LINGO2: variants seen among roughly 807,000 people sequenced by gnomAD.
LINGO2 encodes leucine rich repeat and Ig domain containing 2.
In LINGO2, 14 loss-of-function variants were observed where a neutral mutation model predicts 30.6. The ratio of observed to expected loss-of-function variants is 0.46; its 90% CI spans 0.30 to 0.72. The LOEUF (loss-of-function observed/expected upper bound fraction) is 0.72. Among genes scored for constraint, LINGO2 ranks in the 30% least tolerant of loss-of-function variants. The pLI, the probability that LINGO2 is intolerant of heterozygous loss-of-function variation, is 0.07. For missense variants in LINGO2, 729 were observed against 751.7 expected, an observed-to-expected ratio of 0.97 and a Z score of 0.35; for synonymous variants, 317 against 288.5, an observed-to-expected ratio of 1.10 and a Z score of -1.00.
intron 4 of LINGO2, among the ~76,000 whole-genome samples, chr9:28,014,406 C>T (rs1822717195): frequency 6.6e-6 from 1 of 152,072 alleles, no homozygotes; most frequent in African/African-American, 2.4e-5. Flanking sequence ...GATTAGAAAA[C>T]AGAAGAATAA....
At chr9:28,506,210 C>T (rs1820104016) in intron 1 of LINGO2, among the ~76,000 whole-genome samples, 1 of 151,292 alleles carries the variant, frequency 6.6e-6, no homozygotes, top group Admixed American at 6.6e-5. Flanking sequence ...TTCTGTTCCA[C>T]ACTTAAATAA....
At chr9:28,953,951 G>T in the LINGO2 span, among the ~76,000 whole-genome samples, 24,999 of 151,980 alleles carry the variant, frequency 0.16, 2,087 homozygotes, top group South Asian at 0.2. Context: ...CACTAAATTA[G>T]GCATAATCAA....
chr9:27,963,635 T>G (rs916812978), intron 5 of LINGO2, among the ~76,000 whole-genome samples: 7 of 151,892 alleles, frequency 4.6e-5, no homozygotes, highest in African/African-American at 1.7e-4. Context: ...CAGAAATCTC[T>G]GTAAACCTTC....
chr9:28,927,773 C>A, the LINGO2 span, among the ~76,000 whole-genome samples: 1 of 152,156 alleles, frequency 6.6e-6, no homozygotes, highest in African/African-American at 2.4e-5. Flanking sequence ...TATGTTAATT[C>A]ATTTCTTTTT....
chr9:28,449,233 A>G (rs957714770), intron 2 of LINGO2, among the ~76,000 whole-genome samples: 15 of 152,008 alleles, frequency 9.9e-5, no homozygotes, highest in African/African-American at 3.6e-4. Flanking sequence ...CTGTATTCCA[A>G]AGTTTACTTA....
intron 4 of LINGO2, among the ~76,000 whole-genome samples, chr9:28,217,678 T>C (rs1272846866): frequency 6.6e-6 from 1 of 152,036 alleles, no homozygotes; most frequent in African/African-American, 2.4e-5. Context: ...AAAATAGCCT[T>C]CACATTCTGA....
the LINGO2 span, among the ~76,000 whole-genome samples, chr9:28,775,942 T>C: frequency 2.0e-5 from 3 of 152,188 alleles, no homozygotes. Context: ...TGCTTCAAAA[T>C]CCAGAAGGAC....
intron 4 of LINGO2, among the ~76,000 whole-genome samples, chr9:28,018,642 T>A (rs570260440): frequency 2.0e-4 from 31 of 151,968 alleles, no homozygotes; most frequent in Non-Finnish European, 4.1e-4. Flanking sequence ...CCACAATGAG[T>A]TACCATCTCA....
chr9:27,990,127 G>C (rs939086346), intron 5 of LINGO2, among the ~76,000 whole-genome samples: 3 of 151,910 alleles, frequency 2.0e-5, no homozygotes, highest in Non-Finnish European at 4.4e-5. Flanking sequence ...CATTTTAACT[G>C]ATCTTTTTAC....
the LINGO2 span, among the ~76,000 whole-genome samples, chr9:29,081,345 C>A: frequency 0.024 from 3,696 of 152,094 alleles, 164 homozygotes; most frequent in African/African-American, 0.083. Flanking sequence ...TGATTATCTC[C>A]ATAGATGCAG....
chr9:28,265,328 A>C (rs1014359361), intron 4 of LINGO2, among the ~76,000 whole-genome samples: 3 of 151,840 alleles, frequency 2.0e-5, no homozygotes, highest in Admixed American at 2.0e-4. Flanking sequence ...ACTCCCCCAT[A>C]GCTCCTTTCT....
At chr9:28,295,008 C>G (rs1333572517) in intron 4 of LINGO2, among the ~76,000 whole-genome samples, 200 bp downstream of exon 6, 1 of 152,112 alleles carries the variant, frequency 6.6e-6, no homozygotes, top group African/African-American at 2.4e-5. Context: ...TAAAATAGCT[C>G]CTTTCTCCTC....
At chr9:29,042,976 A>G in the LINGO2 span, among the ~76,000 whole-genome samples, 1 of 151,938 alleles carries the variant, frequency 6.6e-6, no homozygotes, top group African/African-American at 2.4e-5. Flanking sequence ...AAAGGCCAAC[A>G]TAAGGGATCC....
chr9:28,098,072 T>A (rs1452354), intron 4 of LINGO2, among the ~76,000 whole-genome samples: 149,203 of 152,264 alleles, frequency 0.98, 73,174 homozygotes, highest in East Asian at 1. Flanking sequence ...CGGGAGGCCG[T>A]GGAGAGTGCA....
At chr9:28,747,327 C>G in the LINGO2 span, among the ~76,000 whole-genome samples, 1 of 152,010 alleles carries the variant, frequency 6.6e-6, no homozygotes, top group Admixed American at 6.6e-5. Context: ...CCCCATTCCC[C>G]TTCCAGCTCC....
chr9:28,216,382 G>A (rs753195096), intron 4 of LINGO2, among the ~76,000 whole-genome samples: 1 of 151,880 alleles, frequency 6.6e-6, no homozygotes, highest in Non-Finnish European at 1.5e-5. Context: ...TCTGGGAGGA[G>A]TGGTTGTTAG....
chr9:28,583,282 T>A lies in LINGO2; in HGVS notation c.-365+86918A>T, dbSNP rs73644079. Among the ~76,000 whole-genome samples the A allele has an allele frequency of 6.4e-3, 970 of 152,112 alleles. 8 individuals carry two copies. The highest frequency in any genetic ancestry group is 0.022 in the African/African-American group (924 of 41,550). On this transcript the variant is annotated intron_variant, in intron 1 of 5. Coordinates refer to ENST00000379992, the Ensembl canonical transcript of LINGO2. ...CCAATGACTGAACATATTGCTGTTATAAGCATTTTCTGATTCCAAAATTGC... is the reference window on the plus strand; with the variant it reads ...CCAATGACTGAACATATTGCTGTTAAAAGCATTTTCTGATTCCAAAATTGC...
intron 4 of LINGO2, among the ~76,000 whole-genome samples, chr9:28,292,159 A>G (rs1823753473): frequency 1.3e-5 from 2 of 152,318 alleles, no homozygotes; most frequent in South Asian, 2.1e-4. Flanking sequence ...AGGCTCCAAC[A>G]TGTATCAAAG....
chr9:29,156,403 T>C, the LINGO2 span, among the ~76,000 whole-genome samples: 1 of 152,100 alleles, frequency 6.6e-6, no homozygotes, highest in Admixed American at 6.5e-5. Context: ...AAATTCATAT[T>C]ATAGCAGTCA....
Sources: allele counts gnomAD v4.1 joint callset (sites outside exome capture counted in the v4.1 genomes callset), GRCh38; gene constraint gnomAD v4.1.1; transcripts MANE v1.5; gene names NCBI Gene and HGNC (gene_info 2026-07-23, HGNC 2026-07-21).